KRT8: variants seen among roughly 807,000 people sequenced by gnomAD.
KRT8 encodes keratin 8, also known as keratin, type II cytoskeletal 8.
A neutral mutation model predicts 43.0 loss-of-function variants in KRT8; 24 were observed. The observed-to-expected ratio is 0.56, with a 90% confidence interval of 0.40 to 0.78. The LOEUF is 0.78. Among genes scored for constraint, KRT8 ranks in the 30% least tolerant of loss-of-function variants. The pLI is 0.00. For synonymous variants in KRT8, 214 were observed against 261.2 expected, an observed-to-expected ratio of 0.82 and a Z score of 1.74; for missense variants, 492 against 638.4, an observed-to-expected ratio of 0.77 and a Z score of 2.47.
upstream of KRT8, chr12:52,907,071 A>G (rs1467744046): frequency 2.1e-5 from 5 of 234,916 alleles, no homozygotes; most frequent in African/African-American, 9.1e-5. Flanking sequence ...GGGCACAGTG[A>G]GTGGCTCCTT....
chr12:52,926,125 C>T (rs968442963), intron 2 of KRT8, among the ~76,000 whole-genome samples: 10 of 151,938 alleles, frequency 6.6e-5, no homozygotes, highest in Non-Finnish European at 1.3e-4. Context: ...CACACTGTCC[C>T]TCTGCCTGGT....
At chr12:52,911,754 C>T (rs1200520601), upstream of KRT8, among the ~76,000 whole-genome samples, 3 of 152,070 alleles carry the variant, frequency 2.0e-5, no homozygotes, top group African/African-American at 4.8e-5. Flanking sequence ...TGGTATGGGC[C>T]GGGCGTGGTG....
chr12:52,906,627 A>G (rs772908098), upstream of KRT8: 4 of 451,470 alleles, frequency 8.9e-6, no homozygotes, highest in South Asian at 6.3e-5. Context: ...TCCCCAAGGC[A>G]GAGATTCCAC....
chr12:52,898,324 C>G, intron 7 of KRT8, 137 bp downstream of exon 7: 1 of 726,276 alleles, frequency 1.4e-6, no homozygotes, highest in Non-Finnish European at 2.4e-6. Context: ...ATGTGCCTCC[C>G]CACCCTAGGA....
chr12:52,924,994 G>A (rs1057110743), intron 2 of KRT8, among the ~76,000 whole-genome samples: 2 of 152,202 alleles, frequency 1.3e-5, no homozygotes, highest in Non-Finnish European at 2.9e-5. Flanking sequence ...TGTGGAAAAG[G>A]AACAGGGCTG....
At chr12:52,898,393 C>T in intron 7 of KRT8, 68 bp downstream of exon 7, 1 of 1,367,626 alleles carries the variant, frequency 7.3e-7, no homozygotes, top group Non-Finnish European at 1.0e-6. Flanking sequence ...AGCACAGCCC[C>T]CTCCCTGGAG....
In KRT8 at chr12:52,941,478, C is replaced by CTTTTTTT. The variant is rs774607187; in HGVS notation, c.-47+7971_-47+7977dup. On this transcript the variant is annotated intron_variant, in intron 2 of 6. Coordinates refer to the KRT8 transcript ENST00000546826. The stretch of plus-strand genomic sequence containing the variant: ...CGGGCTCCTCTAGCAAGTTTTTGCT[C>CTTTTTTT]TTTTTTTTTTTTTTTTTTTTTTTTT... Among the ~76,000 whole-genome samples, 47 of 72,578 alleles carry CTTTTTTT rather than the reference C, an allele frequency of 6.5e-4. 5 individuals are homozygous for CTTTTTTT. The highest frequency in any genetic ancestry group is 2.8e-3 in the African/African-American group (46 of 16,488). The allele number at this position is 72,578 out of a possible 152,430, so 47.6% of individuals were successfully genotyped here. A position where few individuals can be genotyped will look rare whatever the true frequency, so the allele number is the denominator to read the frequency against.
At chr12:52,918,015 G>A (rs1407379927) in intron 2 of KRT8, among the ~76,000 whole-genome samples, 1 of 99,716 alleles carries the variant, frequency 1.0e-5, no homozygotes, top group Non-Finnish European at 1.9e-5. Context: ...GGAAGAAGAA[G>A]GAGAAGAAGA....
At chr12:52,898,476 T>C in exon 7 of KRT8, 6 of 1,613,804 alleles carry the variant, frequency 3.7e-6, no homozygotes, top group African/African-American at 2.7e-5. Context: ...TAGCCGCTGG[T>C]GGTCTTCGTA....
intron 2 of KRT8, among the ~76,000 whole-genome samples, chr12:52,938,043 G>T (rs1185130372): frequency 4.9e-5 from 7 of 143,158 alleles, no homozygotes; most frequent in Non-Finnish European, 1.1e-4. Context: ...GATACAGATG[G>T]TAAATAAGCA....
At chr12:52,924,385 C>T (rs1324310441) in intron 2 of KRT8, among the ~76,000 whole-genome samples, 1 of 150,978 alleles carries the variant, frequency 6.6e-6, no homozygotes, top group African/African-American at 2.4e-5. Flanking sequence ...GGAGGCGGAG[C>T]TTGCAGTGAG....
chr12:52,899,975 C>T (rs1187918519), exon 5 of KRT8: 1 of 1,613,446 alleles, frequency 6.2e-7, no homozygotes, highest in Admixed American at 1.7e-5. Flanking sequence ...TTGACCTCAG[C>T]AATGATGCTG....
At chr12:52,930,468 G>C (rs543850466) in intron 2 of KRT8, among the ~76,000 whole-genome samples, 3 of 152,152 alleles carry the variant, frequency 2.0e-5, no homozygotes, top group Non-Finnish European at 4.4e-5. Flanking sequence ...CGATCCACCC[G>C]CCTCAGCCTC....
intron 2 of KRT8, among the ~76,000 whole-genome samples, chr12:52,938,398 C>T (rs1942213415): frequency 6.6e-6 from 1 of 151,396 alleles, no homozygotes; most frequent in Admixed American, 6.6e-5. Flanking sequence ...AACTCCTGGC[C>T]TCAAGTGATC....
rs187166546 is a variant in KRT8, at chr12:52,917,937, G to A, written c.-46-12910C>T. On this transcript the variant is annotated intron_variant, in intron 2 of 6. Transcript: ENST00000546826. ...AGAAAAAGAAGAAGGAGAAGGAGAA[G>A]AGGAAGAAGAGGAAGAGGAAGAAGA... 3.5e-4 allele frequency among the ~76,000 whole-genome samples: 52 copies of A among 147,972 alleles called. No homozygotes were observed. The East Asian group carries it at 9.4e-3, about 27-fold the overall frequency.
intron 2 of KRT8, chr12:52,901,525 A>G: frequency 1.8e-6 from 1 of 551,966 alleles, no homozygotes; most frequent in Non-Finnish European, 3.2e-6. Context: ...CTAGAGGTCA[A>G]GGGTCAAGAC....
At position 52,916,163 on chromosome 12, in the gene KRT8, A is replaced by G. The variant is rs528652050; in HGVS notation, c.-46-11136T>C. 3.7e-4 allele frequency among the ~76,000 whole-genome samples: 57 copies of G among 152,214 alleles called. No homozygotes were observed. The South Asian group carries it at 5.0e-3, about 13-fold the overall frequency. On this transcript the variant is annotated intron_variant, in intron 2 of 6. Transcript: ENST00000546826. ...CAGAGCTTTTTCTGCAGGCTGCAGGAAGGGAGGAGCAGGATGATGAGCTTA... is the reference window on the plus strand; with the variant it reads ...CAGAGCTTTTTCTGCAGGCTGCAGGGAGGGAGGAGCAGGATGATGAGCTTA...
Position 52,900,794 on chromosome 12 carries a change from T to G in KRT8, c.595-111A>C, listed in dbSNP as rs1434580227. 5 of 753,686 alleles carry G rather than the reference T, an allele frequency of 6.6e-6. No individual in the cohort carries two copies. The African/African-American group carries it at 8.5e-5, about 13-fold the overall frequency. 46.7% of individuals were successfully genotyped at this position (753,686 alleles called of 1,614,324 possible). A position where few individuals can be genotyped will look rare whatever the true frequency, so the allele number is the denominator to read the frequency against. On this transcript the variant is annotated intron_variant, in intron 3 of 7. Transcript: ENST00000692008. ...GTCACAGGACTTTCTAGTTGCCCAC[T>G]TTGTGGATTGATCTTCCAGCCCAGC...
At chr12:52,918,336 G>A (rs1219929348) in intron 2 of KRT8, among the ~76,000 whole-genome samples, 1 of 152,308 alleles carries the variant, frequency 6.6e-6, no homozygotes, top group East Asian at 1.9e-4. Flanking sequence ...TACTGTATCA[G>A]CTGGGTTGTT....
Sources: gnomAD v4.1 joint callset for allele counts (sites outside exome capture counted in the v4.1 genomes callset) on GRCh38, gnomAD v4.1.1 for gene constraint, MANE v1.5 for transcripts, NCBI Gene and HGNC (gene_info 2026-07-23, HGNC 2026-07-21) for gene names.